The following RTN1 variants were observed in gnomAD, a reference collection of about 807,000 sequenced individuals.
RTN1 encodes the protein reticulon 1, also known as reticulon-1.
Under a neutral mutation model 65.5 loss-of-function variants are expected in RTN1, and 25 were observed. That is an observed-to-expected ratio of 0.38 (90% CI 0.28 to 0.53). The LOEUF is 0.53. Ranked by LOEUF, RTN1 falls within the 20% of genes least tolerant of loss-of-function variation. RTN1 has a pLI of 0.79. For synonymous variants in RTN1, 471 were observed against 447.6 expected (o/e 1.05, Z -0.66); for missense variants, 983 against 1,025.4 (o/e 0.96, Z 0.57).
At chr14:59,821,323 G>C (rs1439405913) in intron 1 of RTN1, among the ~76,000 whole-genome samples, 1 of 152,052 alleles carries the variant, frequency 6.6e-6, no homozygotes, top group Non-Finnish European at 1.5e-5. Context: ...GGATGTTGTT[G>C]GTCTACAGAA....
intron 3 of RTN1, among the ~76,000 whole-genome samples, chr14:59,636,144 T>G (rs1882660683): frequency 6.6e-6 from 1 of 152,224 alleles, no homozygotes; most frequent in Non-Finnish European, 1.5e-5. Context: ...TGGAAAATGC[T>G]ATACCGAGTG....
At position 59,833,765 on chromosome 14, in the gene RTN1, A is replaced by G. The variant is rs570536210; in HGVS notation, c.241+36625T>C. 2.6e-5 allele frequency among the ~76,000 whole-genome samples: 4 copies of G among 152,330 alleles called. No individual in the cohort carries two copies. The South Asian group carries it at 8.3e-4, about 32-fold the overall frequency. On this transcript the variant is annotated intron_variant, in intron 1 of 8. Coordinates refer to ENST00000267484, the MANE Select transcript of RTN1 (RefSeq NM_021136.3). The stretch of plus-strand genomic sequence containing the variant: ...TAATTTTAGAGAATATGCAGGCTCT[A>G]GTAAATGATATGGCAATTTCCATTT...
rs1176370373 is a variant in RTN1, at chr14:59,841,633, G to A, written c.241+28757C>T. Among the ~76,000 whole-genome samples, 3 of 151,894 alleles carry A rather than the reference G, an allele frequency of 2.0e-5. No individual in the cohort carries two copies. In the East Asian group the frequency reaches 5.8e-4, roughly 29 times the overall value. ...GAGGCAGGAGAATCACTTGAACCCA[G>A]GAGGCAGAGGATGCAGTGAGCCAAG... is the stretch of plus-strand genomic sequence containing the variant. On this transcript the variant is annotated intron_variant, in intron 1 of 8. Coordinates refer to ENST00000267484, the MANE Select transcript of RTN1 (RefSeq NM_021136.3).
At chr14:59,820,900 T>G (rs1886932618) in intron 1 of RTN1, among the ~76,000 whole-genome samples, 1 of 152,364 alleles carries the variant, frequency 6.6e-6, no homozygotes, top group African/African-American at 2.4e-5. Flanking sequence ...CTATGCTGTT[T>G]TGTTTACTGT....
intron 3 of RTN1, among the ~76,000 whole-genome samples, chr14:59,716,410 C>T (rs1017881906): frequency 1.3e-5 from 2 of 152,208 alleles, no homozygotes; most frequent in African/African-American, 4.8e-5. Flanking sequence ...ATAAATTCTA[C>T]ATGGTATTAT....
At chr14:59,628,822 G>T (rs1882469071) in intron 3 of RTN1, among the ~76,000 whole-genome samples, 1 of 152,106 alleles carries the variant, frequency 6.6e-6, no homozygotes, top group South Asian at 2.1e-4. Context: ...TGATGAAATA[G>T]ATTAAGATAT....
At chr14:59,635,121 A>T (rs1487147778) in intron 3 of RTN1, among the ~76,000 whole-genome samples, 1 of 152,222 alleles carries the variant, frequency 6.6e-6, no homozygotes, top group Non-Finnish European at 1.5e-5. Context: ...ATTATAGTGA[A>T]CATGTAAGGC....
chr14:59,716,315 A>G lies in RTN1; in HGVS notation c.1765+10604T>C, dbSNP rs138371115. On this transcript the variant is annotated intron_variant, in intron 3 of 8. Transcript: ENST00000267484. ...CTTCTACCCATGAGAAATAATCTAG[A>G]ACAACAAACTGTACCTCAACCCTTG... Among the ~76,000 whole-genome samples the G allele has an allele frequency of 3.7e-3, 566 of 152,346 alleles. 2 individuals are homozygous for G. Among genetic ancestry groups the G allele is most frequent in the African/African-American group, 0.013 (533 of 41,582 alleles).
At chr14:59,679,571 T>C (rs749292999) in intron 3 of RTN1, among the ~76,000 whole-genome samples, 1 of 152,174 alleles carries the variant, frequency 6.6e-6, no homozygotes, top group Non-Finnish European at 1.5e-5. Context: ...AACAGCAGAG[T>C]ACAAAACAGG....
chr14:59,597,381 A>C (rs1881434557), intron 8 of RTN1, among the ~76,000 whole-genome samples: 1 of 152,260 alleles, frequency 6.6e-6, no homozygotes, highest in Non-Finnish European at 1.5e-5. Context: ...ATGTGGGCAT[A>C]GACTAGATAT....
intron 1 of RTN1, among the ~76,000 whole-genome samples, chr14:59,761,982 C>T (rs552290121): frequency 1.6e-4 from 24 of 152,232 alleles, no homozygotes; most frequent in Non-Finnish European, 1.6e-4. Context: ...GTTAGGAACA[C>T]GACATGGCAG....
At chr14:59,689,977 T>G (rs1883926757) in intron 3 of RTN1, among the ~76,000 whole-genome samples, 2 of 115,026 alleles carry the variant, frequency 1.7e-5, no homozygotes, top group African/African-American at 6.2e-5. Context: ...ATCTTGAATG[T>G]AATTTCCTTT....
chr14:59,674,450 T>C (rs1172676868), intron 3 of RTN1, among the ~76,000 whole-genome samples: 2 of 152,190 alleles, frequency 1.3e-5, no homozygotes, highest in Non-Finnish European at 2.9e-5. Flanking sequence ...ATTAGTTTCT[T>C]TCAAATGCTT....
intron 3 of RTN1, among the ~76,000 whole-genome samples, chr14:59,695,711 T>G (rs1416289297): frequency 6.6e-6 from 1 of 152,198 alleles, no homozygotes; most frequent in African/African-American, 2.4e-5. Flanking sequence ...CATTACCATC[T>G]CTTTTATCTA....
At chr14:59,716,459 C>A (rs1460469056) in intron 3 of RTN1, among the ~76,000 whole-genome samples, 5 of 152,170 alleles carry the variant, frequency 3.3e-5, no homozygotes, top group Admixed American at 3.3e-4. Flanking sequence ...TCTAGCCTTA[C>A]AACTAATTCT....
At chr14:59,785,407 A>G (rs1169416021) in intron 1 of RTN1, among the ~76,000 whole-genome samples, 1 of 152,274 alleles carries the variant, frequency 6.6e-6, no homozygotes, top group Non-Finnish European at 1.5e-5. Context: ...ACTAAAACTC[A>G]TAAGAAAAAT....
intron 1 of RTN1, among the ~76,000 whole-genome samples, chr14:59,860,208 C>T (rs774618902): frequency 1.3e-5 from 2 of 152,190 alleles, no homozygotes; most frequent in Non-Finnish European, 2.9e-5. Flanking sequence ...GGGTCCCGTG[C>T]TGTATGCAGC....
intron 6 of RTN1, among the ~76,000 whole-genome samples, 183 bp from the exon 7 acceptor site, chr14:59,603,441 C>A (rs1404756907): frequency 1.3e-5 from 2 of 148,904 alleles, no homozygotes; most frequent in Non-Finnish European, 3.0e-5. Flanking sequence ...GATGACAGGG[C>A]AGTTCATAGG....
In RTN1 at chr14:59,726,943, G is replaced by A; in HGVS notation, c.1741C>T (p.Leu581=). The part of the protein sequence containing the change: ...GPLGPGAPPP[L]LFLNKQKAID... ...CCTTTTTGCTTATTGAGAAACAGCA[G>A]TGGGGGCGGGGCGCCAGGACCTAGA... Residue 581 remains leucine (L), a synonymous_variant, in exon 3 of 9, where the codon CTG becomes TTG. Transcript: ENST00000267484. 1 of 1,613,000 alleles carries A rather than the reference G, an allele frequency of 6.2e-7. No individual in the cohort carries two copies. The highest frequency in any genetic ancestry group is 2.2e-5 in the East Asian group (1 of 44,838).
Sources: allele counts gnomAD v4.1 joint callset (sites outside exome capture counted in the v4.1 genomes callset), GRCh38; gene constraint gnomAD v4.1.1; transcripts MANE v1.5; gene names NCBI Gene and HGNC (gene_info 2026-07-23, HGNC 2026-07-21).